Variants in HTT observed in about 807,000 individuals in gnomAD.
HTT encodes the protein huntington disease protein.
HTT carries 104 observed loss-of-function variants against 362.3 expected under a neutral mutation model. The ratio of observed to expected loss-of-function variants is 0.29; its 90% CI spans 0.24 to 0.34. HTT has a LOEUF of 0.34. Among genes scored for constraint, HTT ranks in the 10% least tolerant of loss-of-function variants. The pLI is 1.00. For missense variants in HTT, 3,301 were observed against 3,928.6 expected (o/e 0.84, Z 4.27); for synonymous variants, 1,577 against 1,548.7 (o/e 1.02, Z -0.43).
At chr4:3,210,904 C>T (rs4396942) in intron 47 of HTT, among the ~76,000 whole-genome samples, 31 of 122,684 alleles carry the variant, frequency 2.5e-4, no homozygotes, top group South Asian at 4.9e-4. Flanking sequence ...AATTGTTTAT[C>T]TTTTTTTTTT....
chr4:3,091,113 A>G (rs1347086127), intron 2 of HTT, among the ~76,000 whole-genome samples: 3 of 152,260 alleles, frequency 2.0e-5, no homozygotes, highest in African/African-American at 4.8e-5. Flanking sequence ...ATTCTGTCTC[A>G]AGAAAAAAGA....
intron 3 of HTT, among the ~76,000 whole-genome samples, chr4:3,103,221 ATTTT>A (rs748779241): frequency 3.7e-5 from 4 of 109,070 alleles, no homozygotes; most frequent in African/African-American, 1.1e-4. Flanking sequence ...TATATATATA[ATTTT>A]TTTTTTTTTT....
chr4:3,196,061 GA>G (rs1442397524), intron 40 of HTT, among the ~76,000 whole-genome samples: 1 of 152,180 alleles, frequency 6.6e-6, no homozygotes. Context: ...GAAAGTCAGG[GA>G]AACCCTTGGA....
rs1716539083 is a variant in HTT, at chr4:3,145,170, T to C, written c.3085T>C (p.Leu1029=). The C allele has an allele frequency of 6.2e-7, 1 of 1,613,888 alleles. No homozygotes were observed. The highest frequency in any genetic ancestry group is 2.2e-5 in the East Asian group (1 of 44,882). ...TTCTCAGTTTGGATGCTGTGAAGCT[T>C]TGTGTCTTCTTTCCACTGCCTTCCC... is the stretch of plus-strand genomic sequence containing the variant. The part of the protein sequence containing the change: ...RALTFGCCEA[L]CLLSTAFPVC... Residue 1029 remains leucine, a synonymous_variant, in exon 24 of 67, where the codon TTG becomes CTG. Transcript: ENST00000355072.
At chr4:3,230,128 G>GGT in intron 60 of HTT, 86 bp downstream of exon 60, 1 of 1,181,700 alleles carries the variant, frequency 8.5e-7, no homozygotes, top group Non-Finnish European at 1.2e-6. Context: ...AGAGGTGCCG[G>GGT]GTGCGGCTGC....
chr4:3,097,792 T>A (rs958582826), intron 2 of HTT, among the ~76,000 whole-genome samples: 1 of 152,190 alleles, frequency 6.6e-6, no homozygotes, highest in African/African-American at 2.4e-5. Flanking sequence ...TAGCCCTATA[T>A]CTATTTTATT....
At chr4:3,115,718 A>G (rs982010482) in intron 7 of HTT, among the ~76,000 whole-genome samples, 4 of 152,132 alleles carry the variant, frequency 2.6e-5, no homozygotes, top group Admixed American at 6.5e-5. Context: ...GGCCATGACT[A>G]TGGTGAGTCT....
chr4:3,212,833 C>A, intron 49 of HTT, 124 bp downstream of exon 49: 1 of 986,474 alleles, frequency 1.0e-6, no homozygotes, highest in Non-Finnish European at 1.5e-6. Flanking sequence ...TTTTCCATCT[C>A]AGCCTGGCAG....
At chr4:3,147,256 G>C (rs1328026540) in intron 25 of HTT, among the ~76,000 whole-genome samples, 4 of 152,212 alleles carry the variant, frequency 2.6e-5, no homozygotes, top group African/African-American at 9.7e-5. Context: ...GGGATGTTAA[G>C]AAAGTATAAT....
intron 53 of HTT, among the ~76,000 whole-genome samples, 180 bp from the exon 54 acceptor site, chr4:3,222,207 C>T (rs566152859): frequency 6.6e-6 from 1 of 152,306 alleles, no homozygotes; most frequent in East Asian, 1.9e-4. Flanking sequence ...TCGGTTTCCT[C>T]AATGATGAAA....
chr4:3,192,499 A>G (rs1430759119), intron 40 of HTT, among the ~76,000 whole-genome samples: 2 of 152,134 alleles, frequency 1.3e-5, no homozygotes, highest in Non-Finnish European at 1.5e-5. Context: ...GCCTTGCATG[A>G]GTAATATGGG....
At chr4:3,205,415 A>G (rs7685686) in intron 42 of HTT, among the ~76,000 whole-genome samples, 74,664 of 151,958 alleles carry the variant, frequency 0.49, 19,440 homozygotes, top group African/African-American at 0.66. Context: ...TCTGGTGATG[A>G]CAATTTATTA....
intron 28 of HTT, among the ~76,000 whole-genome samples, chr4:3,158,765 GC>G (rs1225205204): frequency 6.6e-6 from 1 of 150,484 alleles, no homozygotes; most frequent in Non-Finnish European, 1.5e-5. Flanking sequence ...TCTTTAAGCT[GC>G]ATGGTTCTCA....
chr4:3,239,129 CAG>C (rs995358961), intron 66 of HTT, 151 bp downstream of exon 66: 97 of 823,516 alleles, frequency 1.2e-4, no homozygotes, highest in East Asian at 2.4e-4. Context: ...AAAATGCTGA[CAG>C]GGGTACAGAA....
Position 3,086,949 on chromosome 4 carries a change from C to A in HTT, c.274C>A (p.Leu92Ile). 1.3e-6 allele frequency: 2 copies of A among 1,596,304 alleles called. No individual in the cohort carries two copies. Among genetic ancestry groups the A allele is most frequent in the Non-Finnish European group, 1.7e-6 (2 of 1,164,958 alleles). Reference protein sequence around the residue: ...EEPLHRPKKELSATKKDRVNH... With the variant: ...EEPLHRPKKEISATKKDRVNH... The stretch of plus-strand genomic sequence containing the variant: ...TTTTTTTATTTTTAGAAAGAAAGAA[C>A]TTTCAGCTACCAAGAAAGACCGTGT... The change falls in exon 2 of 67, where the codon CTT becomes ATT. Residue 92 changes from leucine to isoleucine, a missense_variant. Coordinates refer to ENST00000355072, the MANE Select transcript of HTT (RefSeq NM_001388492.1).
Position 3,177,368 on chromosome 4 carries a change from A to C in HTT, c.4444A>C (p.Ile1482Leu), listed in dbSNP as rs746555646. The change falls in exon 34 of 67, where the codon ATT becomes CTT. Residue 1482 changes from isoleucine to leucine, a missense_variant. Coordinates refer to ENST00000355072, the MANE Select transcript of HTT (RefSeq NM_001388492.1). ...IGFVLKQFEY[I>L]EVGQFRESEA... ...CTTTGTATTGAAACAGTTTGAATAC[A>C]TTGAAGTGGGCCAGTTCAGGTAATA... is the stretch of plus-strand genomic sequence containing the variant. 6.9e-6 allele frequency: 11 copies of C among 1,600,164 alleles called. No homozygotes were observed. In the East Asian group the frequency reaches 2.5e-4, roughly 36 times the overall value.
chr4:3,146,280 A>G (rs1716594000), intron 24 of HTT, among the ~76,000 whole-genome samples: 2 of 152,180 alleles, frequency 1.3e-5, no homozygotes, highest in South Asian at 2.1e-4. Flanking sequence ...TGAGGTTGCA[A>G]TTTGTCTTTC....
At position 3,208,880 on chromosome 4, in the gene HTT, A is replaced by T; in HGVS notation, c.6260A>T (p.His2087Leu). Residue 2087 changes from histidine (H) to leucine (L), a missense_variant, in exon 46 of 67, where the codon CAC (histidine) becomes CTC (leucine). Transcript: ENST00000355072. The stretch of plus-strand genomic sequence containing the variant: ...TCCCACCCGCTGGACGGGGATGGGC[A>T]CGTGTCACTGGAAACAGTGAGTCCG... ...VSSHPLDGDG[H>L]VSLETVSPDK... is the part of the protein sequence containing the mutation. The T allele has an allele frequency of 6.2e-7, 1 of 1,613,776 alleles. No individual in the cohort carries two copies. The highest frequency in any genetic ancestry group is 2.2e-5 in the East Asian group (1 of 44,874).
intron 22 of HTT, among the ~76,000 whole-genome samples, chr4:3,142,303 T>C (rs914699037): frequency 1.2e-4 from 18 of 152,252 alleles, no homozygotes; most frequent in African/African-American, 4.3e-4. Context: ...TGGGGTATTA[T>C]AATTCATTTA....
Sources: allele counts gnomAD v4.1 joint callset (sites outside exome capture counted in the v4.1 genomes callset), GRCh38; gene constraint gnomAD v4.1.1; transcripts MANE v1.5; gene names NCBI Gene and HGNC (gene_info 2026-07-23, HGNC 2026-07-21).